Variants in C3orf62 observed in about 807,000 individuals in gnomAD.
The protein encoded by C3orf62 is chromosome 3 open reading frame 62, also known as uncharacterized protein C3orf62.
Under a neutral mutation model 21.7 loss-of-function variants are expected in C3orf62, and 16 were observed. The observed-to-expected ratio is 0.74, with a 90% CI of 0.50 to 1.12. The LOEUF is 1.12. Ranked by LOEUF, C3orf62 falls within the 50% of genes most tolerant of loss-of-function variation. The pLI is 0.00. For synonymous variants in C3orf62, 114 were observed against 117.0 expected (o/e 0.97, Z 0.17); for missense variants, 310 against 318.8 (o/e 0.97, Z 0.21).
chr3:49,270,887 CCACACCTACCA>C lies in C3orf62; in HGVS notation c.*282_*292del. On this transcript the variant is annotated 3_prime_UTR_variant, in exon 3 of 3. Transcript: ENST00000343010. ...AAGAGACACAGCAGAGGCCCATGAC[CCACACCTACCA>C]TGGGTACTGGGTATATTGAACATCA... The C allele has an allele frequency of 3.1e-6, 1 of 327,376 alleles. No individual in the cohort carries two copies. Among genetic ancestry groups the C allele is most frequent in the Non-Finnish European group, 5.6e-6 (1 of 178,444 alleles). The allele number at this position is 327,376 out of a possible 1,614,324, so 20.3% of individuals were successfully genotyped here. A position where few individuals can be genotyped will look rare whatever the true frequency, so the allele number is the denominator to read the frequency against.
Position 49,269,396 on chromosome 3 carries a change from T to A in C3orf62, c.*1784A>T, listed in dbSNP as rs2046900701. On this transcript the variant is annotated 3_prime_UTR_variant, in exon 3 of 3. Coordinates refer to ENST00000343010, the MANE Select transcript of C3orf62 (RefSeq NM_198562.3). Reference sequence around the variant, plus strand: ...AAGCTCCACCTCGTCTATAGAAGAGTGTCCACATCCACATGTATTATTTGG... The same window carrying A: ...AAGCTCCACCTCGTCTATAGAAGAGAGTCCACATCCACATGTATTATTTGG... The A allele has an allele frequency of 6.6e-6, 1 of 152,088 alleles. No homozygotes were observed. Among genetic ancestry groups the A allele is most frequent in the South Asian group, 2.1e-4 (1 of 4,822 alleles). 9.4% of individuals were successfully genotyped at this position (152,088 alleles called of 1,614,324 possible).
intron 1 of C3orf62, among the ~76,000 whole-genome samples, chr3:49,274,978 C>T (rs1004214929): frequency 5.3e-5 from 8 of 151,208 alleles, no homozygotes; most frequent in Non-Finnish European, 1.0e-4. Context: ...CGCAACGGCA[C>T]CCAGCTAATT....
chr3:49,276,219 T>G (rs1162624964), intron 1 of C3orf62, among the ~76,000 whole-genome samples: 2 of 152,128 alleles, frequency 1.3e-5, no homozygotes, highest in East Asian at 3.8e-4. Flanking sequence ...GATTGACAAC[T>G]AGCCCCTCAA....
Position 49,271,251 on chromosome 3 carries a change from T to C in C3orf62, c.733A>G (p.Ile245Val). The change falls in exon 3 of 3, where the codon ATT (isoleucine) becomes GTT (valine). Residue 245 changes from isoleucine to valine, a missense_variant. Coordinates refer to ENST00000343010, the MANE Select transcript of C3orf62 (RefSeq NM_198562.3). ...SLKQAFDDHN[I>V]VETVLDLEED... is the part of the protein sequence containing the mutation. ...TCCAAGTCCAGAACAGTCTCAACAA[T>C]ATTATGATCATCAAAAGCCTGTTTG... The C allele has an allele frequency of 4.3e-6, 7 of 1,614,096 alleles. No individual in the cohort carries two copies. The highest frequency in any genetic ancestry group is 5.9e-6 in the Non-Finnish European group (7 of 1,180,020).
chr3:49,276,984 G>T lies in C3orf62; in HGVS notation c.-112C>A, dbSNP rs2046968026. On this transcript the variant is annotated 5_prime_UTR_variant, in exon 1 of 3. Transcript: ENST00000343010. ...GGCTATAGCAGGACCCACAACCCTC[G>T]GGCTTTCCTCCTGGAGTAGGCGGTT... is the stretch of plus-strand genomic sequence containing the variant. 1 of 1,481,114 alleles carries T rather than the reference G, an allele frequency of 6.8e-7. No individual in the cohort carries two copies. Among genetic ancestry groups the T allele is most frequent in the Non-Finnish European group, 8.9e-7 (1 of 1,119,378 alleles). The allele number at this position is 1,481,114 out of a possible 1,614,324, so 91.7% of individuals were successfully genotyped here.
chr3:49,273,800 C>T (rs763052839), intron 2 of C3orf62, among the ~76,000 whole-genome samples: 9 of 151,986 alleles, frequency 5.9e-5, no homozygotes, highest in Non-Finnish European at 1.3e-4. Context: ...GGATTACCGG[C>T]GTGCACCACC....
At chr3:49,273,741 T>A (rs1181191218) in intron 2 of C3orf62, among the ~76,000 whole-genome samples, 1 of 152,018 alleles carries the variant, frequency 6.6e-6, no homozygotes, top group Non-Finnish European at 1.5e-5. Context: ...CTGCAACCTC[T>A]GCCTCCCGGG....
Position 49,269,592 on chromosome 3 carries a change from C to G in C3orf62, c.*1588G>C, listed in dbSNP as rs957549889. The stretch of plus-strand genomic sequence containing the variant: ...AGAAATTGGCCTCTGACTCCACAGG[C>G]TGTGAATGCTTTGTGCTACCTCCTG... On this transcript the variant is annotated 3_prime_UTR_variant, in exon 3 of 3. Transcript: ENST00000343010. 1.3e-5 allele frequency: 2 copies of G among 152,308 alleles called. No homozygotes were observed. The highest frequency in any genetic ancestry group is 1.3e-4 in the Admixed American group (2 of 15,286). 9.4% of individuals were successfully genotyped at this position (152,308 alleles called of 1,614,324 possible).
In C3orf62 at chr3:49,275,569, C is replaced by T. The variant is rs554603158; in HGVS notation, c.446+858G>A. Among the ~76,000 whole-genome samples the T allele has an allele frequency of 4.9e-4, 51 of 104,928 alleles. No individual in the cohort carries two copies. In the South Asian group the frequency reaches 0.014, roughly 29 times the overall value. 68.8% of individuals were successfully genotyped at this position (104,928 alleles called of 152,430 possible). A position where few individuals can be genotyped will look rare whatever the true frequency, so the allele number is the denominator to read the frequency against. ...TTTTTGATACGGAGTCTCGCTCTGT[C>T]GCCCAGGCTGGAGTGCAGTGGCGTG... On this transcript the variant is annotated intron_variant, in intron 1 of 2. Coordinates refer to ENST00000343010, the MANE Select transcript of C3orf62 (RefSeq NM_198562.3).
Position 49,269,078 on chromosome 3 carries a change from T to A in C3orf62, c.*2102A>T, listed in dbSNP as rs1190202867. 1 of 152,118 alleles carries A rather than the reference T, an allele frequency of 6.6e-6. No individual in the cohort carries two copies. The highest frequency in any genetic ancestry group is 1.5e-5 in the Non-Finnish European group (1 of 68,038). The allele number at this position is 152,118 out of a possible 1,614,324, so 9.4% of individuals were successfully genotyped here. A position where few individuals can be genotyped will look rare whatever the true frequency, so the allele number is the denominator to read the frequency against. On this transcript the variant is annotated 3_prime_UTR_variant, in exon 3 of 3. Transcript: ENST00000343010. ...CCACTGCACCCGGCCATCTCAACAG[T>A]CTTGAGTTCTGGCCAGGTATCTTGT... is the stretch of plus-strand genomic sequence containing the variant.
Position 49,269,453 on chromosome 3 carries a change from T to C in C3orf62, c.*1727A>G, listed in dbSNP as rs1323699984. 1 of 152,226 alleles carries C rather than the reference T, an allele frequency of 6.6e-6. No homozygotes were observed. Among genetic ancestry groups the C allele is most frequent in the Non-Finnish European group, 1.5e-5 (1 of 68,054 alleles). 9.4% of individuals were successfully genotyped at this position (152,226 alleles called of 1,614,324 possible). A position where few individuals can be genotyped will look rare whatever the true frequency, so the allele number is the denominator to read the frequency against. ...CTGTTTTGAGACCTGTTTTTCTGAGTATCAAGTAGCCTGACATCTCTCCAT... is the reference window on the plus strand; with the variant it reads ...CTGTTTTGAGACCTGTTTTTCTGAGCATCAAGTAGCCTGACATCTCTCCAT... On this transcript the variant is annotated 3_prime_UTR_variant, in exon 3 of 3. Transcript: ENST00000343010.
Position 49,271,443 on chromosome 3 carries a change from G to A in C3orf62, c.541C>T (p.His181Tyr). Residue 181 changes from histidine to tyrosine, a missense_variant and splice_region_variant, in exon 3 of 3, where the codon CAT (histidine) becomes TAT (tyrosine). Physicochemically the swap from His to Tyr is moderately conservative, Grantham distance 83. Coordinates refer to ENST00000343010, the MANE Select transcript of C3orf62 (RefSeq NM_198562.3). ...VTKDLLDMID[H>Y]TSIRTIEELA... Reference sequence around the variant, plus strand: ...TCTTCAATAGTTCGGATGCTTGTATGGTCTTAAAAATAAGAACATTCAGCT... The same window carrying A: ...TCTTCAATAGTTCGGATGCTTGTATAGTCTTAAAAATAAGAACATTCAGCT... The A allele has an allele frequency of 6.2e-7, 1 of 1,609,504 alleles. No individual in the cohort carries two copies. Among genetic ancestry groups the A allele is most frequent in the Non-Finnish European group, 8.5e-7 (1 of 1,177,138 alleles).
chr3:49,270,108 T>A lies in C3orf62; in HGVS notation c.*1072A>T, dbSNP rs999664294. On this transcript the variant is annotated 3_prime_UTR_variant, in exon 3 of 3. Coordinates refer to ENST00000343010, the MANE Select transcript of C3orf62 (RefSeq NM_198562.3). Reference sequence around the variant, plus strand: ...TGTTCTACTCCTTCCCCTCTTCTTATACTACCCTCAGTCTTTAAAAACAAT... The same window carrying A: ...TGTTCTACTCCTTCCCCTCTTCTTAAACTACCCTCAGTCTTTAAAAACAAT... The A allele has an allele frequency of 2.6e-5, 4 of 152,228 alleles. No individual in the cohort carries two copies. The highest frequency in any genetic ancestry group is 9.6e-5 in the African/African-American group (4 of 41,454). The allele number at this position is 152,228 out of a possible 1,614,324, so 9.4% of individuals were successfully genotyped here. A position where few individuals can be genotyped will look rare whatever the true frequency, so the allele number is the denominator to read the frequency against.
chr3:49,276,423 T>A lies in C3orf62; in HGVS notation c.446+4A>T, dbSNP rs1028217662. 3.1e-6 allele frequency: 5 copies of A among 1,603,172 alleles called. No individual in the cohort carries two copies. The highest frequency in any genetic ancestry group is 4.3e-6 in the Non-Finnish European group (5 of 1,173,142). ...AGCTGTTAAACCATCAAAATTAGAA[T>A]CACCTTAAATTTTCTTTTCTCCAGT... On this transcript the variant is annotated splice_donor_region_variant and intron_variant, in intron 1 of 2. Coordinates refer to ENST00000343010, the MANE Select transcript of C3orf62 (RefSeq NM_198562.3).
intron 1 of C3orf62, among the ~76,000 whole-genome samples, chr3:49,274,908 C>A (rs1445271346): frequency 2.6e-5 from 4 of 152,112 alleles, no homozygotes; most frequent in African/African-American, 9.7e-5. Flanking sequence ...CAACCTCCTT[C>A]TCCTGGGTTC....
chr3:49,274,295 C>T (rs565588159), intron 1 of C3orf62, 155 bp from the exon 2 acceptor site: 14 of 606,358 alleles, frequency 2.3e-5, no homozygotes, highest in South Asian at 1.9e-4. Flanking sequence ...TTGGAAACTG[C>T]TACATCAGTG....
Position 49,277,036 on chromosome 3 carries a change from T to A in C3orf62, c.-164A>T, listed in dbSNP as rs1376029836. ...TCGGCTCTCGCGGAGGAACCCGCCA[T>A]CTGCCAGAAGCCCCAAAGACGCCCC... On this transcript the variant is annotated 5_prime_UTR_variant, in exon 1 of 3. An upstream start codon of the reference 5' UTR is lost. Coordinates refer to ENST00000343010, the MANE Select transcript of C3orf62 (RefSeq NM_198562.3). 15 of 1,464,288 alleles carry A rather than the reference T, an allele frequency of 1.0e-5. No individual in the cohort carries two copies. The highest frequency in any genetic ancestry group is 2.8e-5 in the African/African-American group (2 of 71,036). The allele number at this position is 1,464,288 out of a possible 1,614,324, so 90.7% of individuals were successfully genotyped here. A position where few individuals can be genotyped will look rare whatever the true frequency, so the allele number is the denominator to read the frequency against.
At chr3:49,275,519 G>GTTGTTTTTTT (rs530323357) in intron 1 of C3orf62, among the ~76,000 whole-genome samples, 1 of 69,292 alleles carries the variant, frequency 1.4e-5, no homozygotes, top group Non-Finnish European at 2.5e-5. Flanking sequence ...GAACTTTGAA[G>GTTGTTTTTTT]TTTTTTTTTT....
Position 49,277,089 on chromosome 3 carries a change from G to T in C3orf62, c.-217C>A. The stretch of plus-strand genomic sequence containing the variant: ...CCCACTTCCCACAGCTTCCTGGCCC[G>T]CCCCGCCGCTGCCTCCCGCCCCACC... On this transcript the variant is annotated 5_prime_UTR_variant, in exon 1 of 3. Coordinates refer to ENST00000343010, the MANE Select transcript of C3orf62 (RefSeq NM_198562.3). The T allele has an allele frequency of 6.7e-7, 1 of 1,485,270 alleles. No homozygotes were observed. Among genetic ancestry groups the T allele is most frequent in the Non-Finnish European group, 9.0e-7 (1 of 1,114,972 alleles). The allele number at this position is 1,485,270 out of a possible 1,614,324, so 92.0% of individuals were successfully genotyped here.
Sources: allele counts gnomAD v4.1 joint callset (sites outside exome capture counted in the v4.1 genomes callset), GRCh38; gene constraint gnomAD v4.1.1; transcripts MANE v1.5; gene names NCBI Gene and HGNC (gene_info 2026-07-23, HGNC 2026-07-21).